Variants in HDAC9 observed in about 807,000 individuals in gnomAD.
The protein encoded by HDAC9 is histone deacetylase 9.
HDAC9 carries 41 observed loss-of-function variants against 139.4 expected under a neutral mutation model. The observed-to-expected ratio is 0.29, with a 90% confidence interval of 0.23 to 0.38. The LOEUF is 0.38. Among genes scored for constraint, HDAC9 ranks in the 10% least tolerant of loss-of-function variants. The pLI, the probability that HDAC9 is intolerant of heterozygous loss-of-function variation, is 1.00. For synonymous variants in HDAC9, 517 were observed against 476.2 expected, an observed-to-expected ratio of 1.09 and a Z score of -1.12; for missense variants, 1,147 against 1,297.0, an observed-to-expected ratio of 0.88 and a Z score of 1.78.
chr7:18,448,299 T>A (rs1038713299), intron 1 of HDAC9, among the ~76,000 whole-genome samples: 1 of 152,214 alleles, frequency 6.6e-6, no homozygotes, highest in African/African-American at 2.4e-5. Context: ...GAGTAGATGT[T>A]GAAAGGAGAG....
rs537866912 is a variant in HDAC9 at position 18,522,311 on chromosome 7, G to C, written c.22+25987G>C. The stretch of plus-strand genomic sequence containing the variant: ...ATACCTGATTAGTAAGTGCTCTTTA[G>C]ATGTGGGGATAGACGTTTTAACAAA... On this transcript the variant is annotated intron_variant, in intron 2 of 25. Transcript: ENST00000686413. Among the ~76,000 whole-genome samples, 3 of 152,250 alleles carry C rather than the reference G, an allele frequency of 2.0e-5. No homozygotes were observed. The South Asian group carries it at 6.2e-4, about 32-fold the overall frequency.
rs1272909653 is a variant in HDAC9 at position 18,424,568 on chromosome 7, T to C, written c.-41-71694T>C. Among the ~76,000 whole-genome samples the C allele has an allele frequency of 2.0e-5, 3 of 152,346 alleles. No homozygotes were observed. In the East Asian group the frequency reaches 5.8e-4, roughly 29 times the overall value. On this transcript the variant is annotated intron_variant, in intron 1 of 3. Coordinates refer to the HDAC9 transcript ENST00000413509. Reference sequence around the variant, plus strand: ...TGGCTATTATGTGATTATATGACTTTTACAACAAAAAAATCTAATGAGATA... The same window carrying C: ...TGGCTATTATGTGATTATATGACTTCTACAACAAAAAAATCTAATGAGATA...
chr7:18,113,799 C>CT (rs559250485), intron 1 of HDAC9, among the ~76,000 whole-genome samples: 8 of 151,936 alleles, frequency 5.3e-5, no homozygotes, highest in Non-Finnish European at 7.4e-5. Context: ...AGATACAGAG[C>CT]TTTTTTTTAT....
intron 17 of HDAC9, among the ~76,000 whole-genome samples, chr7:18,812,933 T>C (rs1794291684): frequency 6.6e-6 from 1 of 152,032 alleles, no homozygotes; most frequent in Non-Finnish European, 1.5e-5. Flanking sequence ...GCTGCTAATA[T>C]CATCCAAAAA....
At chr7:18,412,463 G>A (rs1418537464) in intron 1 of HDAC9, among the ~76,000 whole-genome samples, 1 of 152,146 alleles carries the variant, frequency 6.6e-6, no homozygotes, top group African/African-American at 2.4e-5. Context: ...GTGATTGCTT[G>A]CACCTTTGTT....
chr7:18,643,140 C>T (rs973928213), intron 8 of HDAC9, among the ~76,000 whole-genome samples: 1 of 152,042 alleles, frequency 6.6e-6, no homozygotes, highest in East Asian at 1.9e-4. Flanking sequence ...TCTATACTTA[C>T]AATTTTCGTG....
intron 12 of HDAC9, among the ~76,000 whole-genome samples, chr7:18,699,079 G>T (rs1300708486): frequency 6.6e-6 from 1 of 152,142 alleles, no homozygotes; most frequent in African/African-American, 2.4e-5. Flanking sequence ...ACACAGCAGT[G>T]ATTCTGGGGT....
chr7:18,751,861 G>A (rs999669494), intron 14 of HDAC9, among the ~76,000 whole-genome samples: 1 of 151,998 alleles, frequency 6.6e-6, no homozygotes, highest in Non-Finnish European at 1.5e-5. Context: ...GAGTAAGGGA[G>A]TAAATAAAAA....
intron 2 of HDAC9, among the ~76,000 whole-genome samples, chr7:18,255,948 A>T (rs1002647584): frequency 6.6e-6 from 1 of 151,838 alleles, no homozygotes; most frequent in Non-Finnish European, 1.5e-5. Flanking sequence ...AGTTTTCACA[A>T]CTCATCATGT....
chr7:18,290,028 C>G (rs181047422), upstream of HDAC9: 11 of 154,744 alleles, frequency 7.1e-5, no homozygotes, highest in African/African-American at 2.7e-4. Flanking sequence ...ACAAATGAAA[C>G]ACCAGCCACT....
chr7:18,428,860 C>T (rs774541139), intron 1 of HDAC9, among the ~76,000 whole-genome samples: 6 of 152,214 alleles, frequency 3.9e-5, no homozygotes, highest in Non-Finnish European at 7.3e-5. Context: ...CCTTGCTGCA[C>T]CATCCACATG....
At chr7:18,679,387 A>C (rs112239952) in intron 12 of HDAC9, among the ~76,000 whole-genome samples, 3,821 of 151,998 alleles carry the variant, frequency 0.025, 123 homozygotes, top group African/African-American at 0.067. Flanking sequence ...CATTGGTTAA[A>C]CTATGTGAAA....
chr7:18,678,431 CTCTCTT>C (rs746052667), intron 12 of HDAC9, among the ~76,000 whole-genome samples: 30 of 151,792 alleles, frequency 2.0e-4, no homozygotes, highest in Non-Finnish European at 4.3e-4. Flanking sequence ...ATTATTTTCT[CTCTCTT>C]TCTTTTGGGA....
In HDAC9 at chr7:18,909,905, C is replaced by T. The variant is rs183079775; in HGVS notation, c.2804-25904C>T. 4.2e-4 allele frequency among the ~76,000 whole-genome samples: 63 copies of T among 151,680 alleles called. No individual in the cohort carries two copies. In the Middle Eastern group the frequency reaches 0.02, roughly 49 times the overall value. On this transcript the variant is annotated intron_variant, in intron 22 of 25. Coordinates refer to ENST00000686413, the MANE Select transcript of HDAC9 (RefSeq NM_178425.4). Reference sequence around the variant, plus strand: ...CAGGTAGTTTGATGCTTTTAGCTTTCGTTTTTTTTGTGGGGTTTTTTGCTC... The same window carrying T: ...CAGGTAGTTTGATGCTTTTAGCTTTTGTTTTTTTTGTGGGGTTTTTTGCTC...
At chr7:18,908,128 C>T (rs747001323) in intron 22 of HDAC9, among the ~76,000 whole-genome samples, 2 of 151,900 alleles carry the variant, frequency 1.3e-5, no homozygotes, top group Non-Finnish European at 2.9e-5. Context: ...TATGCATATT[C>T]TTTAAAAACA....
chr7:18,690,217 AC>A (rs1405350382), intron 12 of HDAC9, among the ~76,000 whole-genome samples: 7 of 152,048 alleles, frequency 4.6e-5, no homozygotes, highest in Non-Finnish European at 1.0e-4. Context: ...TTAGATGTGA[AC>A]TTTGAGTAGA....
At position 18,405,422 on chromosome 7, in the gene HDAC9, C is replaced by T. The variant is rs193083725; in HGVS notation, c.-41-90840C>T. ...CACATTTTCTCCCCATAATCATCCCCCTATCTTACTCACTTTTCCTTCCCC... is the reference window on the plus strand; with the variant it reads ...CACATTTTCTCCCCATAATCATCCCTCTATCTTACTCACTTTTCCTTCCCC... On this transcript the variant is annotated intron_variant, in intron 1 of 3. Transcript: ENST00000413509. 2.0e-3 allele frequency among the ~76,000 whole-genome samples: 303 copies of T among 152,250 alleles called. 2 individuals carry two copies. Among genetic ancestry groups the T allele is most frequent in the African/African-American group, 6.9e-3 (285 of 41,538 alleles).
intron 12 of HDAC9, among the ~76,000 whole-genome samples, chr7:18,719,438 C>A (rs573467651): frequency 7.2e-6 from 1 of 138,774 alleles, no homozygotes; most frequent in South Asian, 2.3e-4. Context: ...TTCCTGGGTT[C>A]AAACGATTCT....
intron 1 of HDAC9, among the ~76,000 whole-genome samples, chr7:18,414,415 C>A (rs1788857467): frequency 6.6e-6 from 1 of 150,530 alleles, no homozygotes; most frequent in Admixed American, 6.6e-5. Context: ...CATTGGCTGG[C>A]AGGAAATTAA....
Sources: allele counts gnomAD v4.1 joint callset (sites outside exome capture counted in the v4.1 genomes callset), GRCh38; gene constraint gnomAD v4.1.1; transcripts MANE v1.5; gene names NCBI Gene and HGNC (gene_info 2026-07-23, HGNC 2026-07-21).